Variants in TMEM232 observed in about 807,000 individuals in gnomAD.
TMEM232 encodes transmembrane protein 232.
A neutral mutation model predicts 78.8 loss-of-function variants in TMEM232; 80 were observed. The ratio of observed to expected loss-of-function variants is 1.01; its 90% confidence interval spans 0.85 to 1.22. The LOEUF is 1.22. TMEM232 is among the 50% of genes most tolerant of loss of function. TMEM232 has a pLI of 0.00. For synonymous variants in TMEM232, 297 were observed against 254.3 expected, an observed-to-expected ratio of 1.17 and a Z score of -1.60; for missense variants, 881 against 742.2, an observed-to-expected ratio of 1.19 and a Z score of -2.17.
At chr5:110,535,776 AAC>A (rs1231165543) in intron 11 of TMEM232, among the ~76,000 whole-genome samples, 10 of 152,184 alleles carry the variant, frequency 6.6e-5, no homozygotes, top group Admixed American at 1.3e-4. Context: ...TTTTTGGTAA[AAC>A]ACACTGTAAT....
chr5:110,484,142 T>C (rs912530028), intron 12 of TMEM232, among the ~76,000 whole-genome samples: 2 of 151,930 alleles, frequency 1.3e-5, no homozygotes, highest in African/African-American at 4.8e-5. Context: ...ATGAAAACAA[T>C]AGATACTGGA....
chr5:110,573,977 G>A (rs2149702745), intron 10 of TMEM232, among the ~76,000 whole-genome samples: 2 of 152,060 alleles, frequency 1.3e-5, no homozygotes, highest in Non-Finnish European at 2.9e-5. Context: ...GCCAATTTGT[G>A]GGCCATGGAA....
chr5:110,521,856 T>C (rs1769565639), intron 12 of TMEM232, among the ~76,000 whole-genome samples: 3 of 152,204 alleles, frequency 2.0e-5, no homozygotes, highest in South Asian at 2.1e-4. Context: ...CTTTTAATTA[T>C]GGTAGCTTTG....
chr5:110,510,288 T>C (rs903393712), intron 12 of TMEM232, among the ~76,000 whole-genome samples: 1 of 152,180 alleles, frequency 6.6e-6, no homozygotes, highest in African/African-American at 2.4e-5. Context: ...ACCCACAATC[T>C]TTTCCTACCC....
At chr5:110,718,277 C>T (rs1797224316) in intron 1 of TMEM232, among the ~76,000 whole-genome samples, 1 of 152,060 alleles carries the variant, frequency 6.6e-6, no homozygotes, top group Non-Finnish European at 1.5e-5. Flanking sequence ...ACCTCCAAGG[C>T]TTTCAGATAG....
At chr5:110,471,917 T>C (rs904974068) in intron 12 of TMEM232, among the ~76,000 whole-genome samples, 2 of 151,862 alleles carry the variant, frequency 1.3e-5, no homozygotes, top group Non-Finnish European at 2.9e-5. Context: ...TTACAACATA[T>C]AACACAGAAA....
At chr5:110,606,406 A>G (rs1781550191) in intron 8 of TMEM232, 119 bp from the exon 9 acceptor site, 1 of 1,031,314 alleles carries the variant, frequency 9.7e-7, no homozygotes, top group Admixed American at 3.0e-5. Context: ...TACCAGATAC[A>G]TTTATTTTCA....
At chr5:110,726,359 T>C (rs1798155889) in intron 1 of TMEM232, among the ~76,000 whole-genome samples, 1 of 152,132 alleles carries the variant, frequency 6.6e-6, no homozygotes, top group South Asian at 2.1e-4. Context: ...ACCTCCTTTA[T>C]TCTCCCCAAC....
chr5:110,388,198 T>C (rs1439725520), intron 4 of TMEM232: 2 of 152,126 alleles, frequency 1.3e-5, no homozygotes, highest in African/African-American at 4.8e-5. Context: ...CACAGGTTGG[T>C]CCGACCAGTT....
chr5:110,392,756 A>C (rs922378425), intron 3 of TMEM232, among the ~76,000 whole-genome samples: 2 of 152,214 alleles, frequency 1.3e-5, no homozygotes, highest in Non-Finnish European at 2.9e-5. Flanking sequence ...TAGGGATTCA[A>C]AATATGAATT....
chr5:110,424,898 T>C lies in TMEM232; in HGVS notation c.1722A>G (p.Ser574=). 1 of 1,550,298 alleles carries C rather than the reference T, an allele frequency of 6.5e-7. No individual in the cohort carries two copies. The highest frequency in any genetic ancestry group is 8.7e-7 in the Non-Finnish European group (1 of 1,146,104). Residue 574 remains serine (S), a synonymous_variant, in exon 13 of 14, where the codon TCA becomes TCG. Transcript: ENST00000455884. ...HFTVREHPSV[S]EIPMFPYPDF... Reference sequence around the variant, plus strand: ...CTGGATATGGAAACATGGGAATTTCTGATACAGAAGGATGTTCCCTTCAAA... The same window carrying C: ...CTGGATATGGAAACATGGGAATTTCCGATACAGAAGGATGTTCCCTTCAAA...
intron 12 of TMEM232, among the ~76,000 whole-genome samples, chr5:110,482,442 G>A (rs543389316): frequency 1.4e-4 from 22 of 151,932 alleles, no homozygotes; most frequent in Non-Finnish European, 2.7e-4. Context: ...TTAGCCAGGC[G>A]TGGTGGTGGG....
At chr5:110,732,226 A>G (rs1798736840) in intron 2 of TMEM232, among the ~76,000 whole-genome samples, 1 of 152,210 alleles carries the variant, frequency 6.6e-6, no homozygotes, top group African/African-American at 2.4e-5. Context: ...GCCACTGACA[A>G]GTCTCTAAGA....
intron 12 of TMEM232, among the ~76,000 whole-genome samples, chr5:110,499,281 T>C (rs1765951283): frequency 6.6e-6 from 1 of 152,192 alleles, no homozygotes. Flanking sequence ...TAAAGCCTGT[T>C]GTCTACAAGA....
chr5:110,722,335 G>A (rs1797729637), intron 1 of TMEM232, among the ~76,000 whole-genome samples: 1 of 152,224 alleles, frequency 6.6e-6, no homozygotes, highest in South Asian at 2.1e-4. Flanking sequence ...GGTATAACTG[G>A]CTCATGGTTT....
intron 12 of TMEM232, among the ~76,000 whole-genome samples, chr5:110,475,970 G>A (rs1763210917): frequency 6.6e-6 from 1 of 151,946 alleles, no homozygotes; most frequent in Non-Finnish European, 1.5e-5. Flanking sequence ...AAAATTGACA[G>A]AACACTTTCA....
At chr5:110,522,549 T>A (rs1251335311) in intron 12 of TMEM232, among the ~76,000 whole-genome samples, 3 of 152,200 alleles carry the variant, frequency 2.0e-5, no homozygotes, top group Admixed American at 1.3e-4. Flanking sequence ...CTGTGGACTT[T>A]ACATATATGG....
intron 12 of TMEM232, among the ~76,000 whole-genome samples, chr5:110,470,879 G>A (rs917516305): frequency 6.6e-5 from 10 of 152,146 alleles, no homozygotes; most frequent in Admixed American, 2.0e-4. Context: ...TAGTAGTCCA[G>A]TAACAGGTCC....
chr5:110,720,333 A>G (rs1305929749), intron 1 of TMEM232, among the ~76,000 whole-genome samples: 1 of 152,102 alleles, frequency 6.6e-6, no homozygotes, highest in East Asian at 1.9e-4. Flanking sequence ...CATGAAGAAG[A>G]CTGGGTGAAG....
Sources: allele counts gnomAD v4.1 joint callset (sites outside exome capture counted in the v4.1 genomes callset), GRCh38; gene constraint gnomAD v4.1.1; transcripts MANE v1.5; gene names NCBI Gene and HGNC (gene_info 2026-07-23, HGNC 2026-07-21).